AGBL4: variants seen among roughly 807,000 people sequenced by gnomAD.
AGBL4 encodes the protein AGBL carboxypeptidase 4, also known as cytosolic carboxypeptidase 6.
AGBL4 carries 58 observed loss-of-function variants against 66.4 expected under a neutral mutation model. The ratio of observed to expected loss-of-function variants is 0.87; its 90% CI spans 0.71 to 1.09. AGBL4 has a LOEUF of 1.09. AGBL4 is among the 50% of genes least tolerant of loss of function. AGBL4 has a pLI of 0.00. For synonymous variants in AGBL4, 234 were observed against 222.9 expected (o/e 1.05, Z -0.44); for missense variants, 579 against 631.0 (o/e 0.92, Z 0.88).
chr1:49,232,762 T>G (rs373838396), intron 4 of AGBL4, among the ~76,000 whole-genome samples: 1 of 146,078 alleles, frequency 6.8e-6, no homozygotes, highest in Non-Finnish European at 1.5e-5. Flanking sequence ...ATGGTTTTTT[T>G]GTTTTGTTAA....
rs576782351 is a variant in AGBL4 at position 49,917,553 on chromosome 1, G to A, written c.35-66035C>T. On this transcript the variant is annotated intron_variant, in intron 1 of 13. Coordinates refer to ENST00000371839, the MANE Select transcript of AGBL4 (RefSeq NM_032785.4). ...AGCTAACTATCCTAAATATATATGT[G>A]CCCATTACAGGAGCACCAAGATTCA... 1.6e-3 allele frequency among the ~76,000 whole-genome samples: 239 copies of A among 152,116 alleles called. 1 individual carries two copies. Among genetic ancestry groups the A allele is most frequent in the African/African-American group, 4.9e-3 (204 of 41,514 alleles).
intron 4 of AGBL4, among the ~76,000 whole-genome samples, chr1:49,089,893 A>T (rs1644972880): frequency 6.6e-6 from 1 of 152,214 alleles, no homozygotes; most frequent in African/African-American, 2.4e-5. Context: ...CAAAAAGCTA[A>T]TATGCCATGA....
At chr1:49,510,621 C>T (rs1222643921) in intron 3 of AGBL4, among the ~76,000 whole-genome samples, 2 of 151,348 alleles carry the variant, frequency 1.3e-5, no homozygotes, top group Non-Finnish European at 3.0e-5. Context: ...TCTTTGGTTG[C>T]CATTGCTTTT....
chr1:49,382,744 T>C (rs1331480921), intron 3 of AGBL4, among the ~76,000 whole-genome samples: 2 of 152,210 alleles, frequency 1.3e-5, no homozygotes, highest in African/African-American at 4.8e-5. Context: ...ACAGAGAGCA[T>C]GATCTTACAT....
chr1:48,879,196 TA>T (rs112037562), intron 5 of AGBL4, among the ~76,000 whole-genome samples: 8,370 of 132,916 alleles, frequency 0.063, 304 homozygotes, highest in African/African-American at 0.13. Context: ...GTGTTCAGTA[TA>T]AAAAAAAAAA....
intron 6 of AGBL4, among the ~76,000 whole-genome samples, chr1:48,772,318 G>A (rs1473286118): frequency 1.3e-5 from 2 of 152,192 alleles, no homozygotes; most frequent in Non-Finnish European, 2.9e-5. Flanking sequence ...ACTGAAGCAA[G>A]GTCTCCAAAT....
At chr1:48,676,650 T>C (rs183458729) in intron 6 of AGBL4, among the ~76,000 whole-genome samples, 2 of 152,348 alleles carry the variant, frequency 1.3e-5, no homozygotes, top group Admixed American at 6.5e-5. Context: ...ATGCTCATCT[T>C]GGGCCCTCCC....
chr1:48,558,500 G>C (rs766246285), intron 11 of AGBL4, among the ~76,000 whole-genome samples: 2 of 152,204 alleles, frequency 1.3e-5, no homozygotes, highest in African/African-American at 2.4e-5. Context: ...TGGCCAATCA[G>C]AGCACTGATA....
At chr1:48,808,910 T>C (rs1161403720) in intron 6 of AGBL4, among the ~76,000 whole-genome samples, 3 of 152,134 alleles carry the variant, frequency 2.0e-5, no homozygotes, top group Non-Finnish European at 4.4e-5. Context: ...AGCAGGTGCT[T>C]AATAAATGCA....
intron 5 of AGBL4, among the ~76,000 whole-genome samples, chr1:49,002,377 G>T (rs931327408): frequency 7.9e-5 from 12 of 152,130 alleles, no homozygotes; most frequent in African/African-American, 1.7e-4. Context: ...TAGCATGGAG[G>T]TTCTGTTCAC....
At chr1:49,168,609 C>G (rs1646676583) in intron 4 of AGBL4, among the ~76,000 whole-genome samples, 1 of 152,150 alleles carries the variant, frequency 6.6e-6, no homozygotes, top group African/African-American at 2.4e-5. Context: ...GTGGGTGCAG[C>G]CCTAGATTTT....
chr1:49,245,073 A>C (rs1283178700), intron 4 of AGBL4, among the ~76,000 whole-genome samples: 1 of 151,742 alleles, frequency 6.6e-6, no homozygotes, highest in African/African-American at 2.4e-5. Flanking sequence ...TTTCCTTTGC[A>C]AAAATGTGGA....
chr1:49,279,279 C>T (rs953561323), intron 3 of AGBL4, among the ~76,000 whole-genome samples: 19 of 152,104 alleles, frequency 1.2e-4, no homozygotes, highest in African/African-American at 4.6e-4. Context: ...GCGTGGGGAC[C>T]TGTCTTACAA....
At chr1:49,763,577 C>T (rs776244507) in intron 2 of AGBL4, among the ~76,000 whole-genome samples, 4 of 152,118 alleles carry the variant, frequency 2.6e-5, no homozygotes, top group Non-Finnish European at 5.9e-5. Flanking sequence ...GGGCAGCCAC[C>T]CACCTGGGAC....
chr1:49,662,764 A>T (rs1459402718), intron 3 of AGBL4, among the ~76,000 whole-genome samples: 2 of 152,120 alleles, frequency 1.3e-5, no homozygotes, highest in Non-Finnish European at 2.9e-5. Context: ...CTTCATAAGC[A>T]TTGATGGAAA....
At chr1:49,851,879 T>C (rs959889004) in intron 1 of AGBL4, among the ~76,000 whole-genome samples, 3 of 152,102 alleles carry the variant, frequency 2.0e-5, no homozygotes, top group African/African-American at 7.2e-5. Flanking sequence ...ATTCATTAAA[T>C]TGCATCAACC....
At chr1:48,697,639 T>C (rs1040956579) in intron 6 of AGBL4, among the ~76,000 whole-genome samples, 1 of 152,174 alleles carries the variant, frequency 6.6e-6, no homozygotes, top group South Asian at 2.1e-4. Context: ...ACCAGAAAGA[T>C]AGAAATAGCA....
intron 6 of AGBL4, among the ~76,000 whole-genome samples, chr1:48,707,399 C>A (rs1646897953): frequency 1.3e-5 from 2 of 152,276 alleles, no homozygotes; most frequent in South Asian, 4.1e-4. Context: ...GAAATGGCAG[C>A]TCAGAGCCCC....
At chr1:49,462,988 G>A (rs1646548664) in intron 3 of AGBL4, among the ~76,000 whole-genome samples, 2 of 151,864 alleles carry the variant, frequency 1.3e-5, no homozygotes, top group Middle Eastern at 3.4e-3. Context: ...AGAAAATGGG[G>A]AAAGTTGTCT....
Sources: allele counts gnomAD v4.1 joint callset (sites outside exome capture counted in the v4.1 genomes callset), GRCh38; gene constraint gnomAD v4.1.1; transcripts MANE v1.5; gene names NCBI Gene and HGNC (gene_info 2026-07-23, HGNC 2026-07-21).